The following HS3ST1 variants were observed in gnomAD, a reference collection of about 807,000 sequenced individuals.
HS3ST1 encodes the protein heparan sulfate glucosamine 3-O-sulfotransferase 1.
A neutral mutation model predicts 20.7 loss-of-function variants in HS3ST1; 8 were observed. That is an observed-to-expected ratio of 0.39 (90% CI 0.23 to 0.70). The LOEUF is 0.70. HS3ST1 is among the 30% of genes least tolerant of loss of function. The pLI, the probability that HS3ST1 is intolerant of heterozygous loss-of-function variation, is 0.46. For synonymous variants in HS3ST1, 205 were observed against 190.4 expected, an observed-to-expected ratio of 1.08 and a Z score of -0.63; for missense variants, 436 against 423.4, an observed-to-expected ratio of 1.03 and a Z score of -0.26.
chr4:11,429,949 A>C (rs2108894467), upstream of HS3ST1, among the ~76,000 whole-genome samples: 1 of 152,284 alleles, frequency 6.6e-6, no homozygotes, highest in African/African-American at 2.4e-5. Context: ...AACTTCCTTT[A>C]AATGAGATTA....
Position 11,427,771 on chromosome 4 carries a change from G to C in HS3ST1, c.-109+928C>G, listed in dbSNP as rs575624133. 2.0e-4 allele frequency among the ~76,000 whole-genome samples: 30 copies of C among 152,338 alleles called. 1 individual carries two copies. In the South Asian group the frequency reaches 6.2e-3, roughly 32 times the overall value. ...GCAGAGTTATAGACCTATAACTGCAGAGCCCAGCACACCCCATCCCGCGCC... is the reference window on the plus strand; with the variant it reads ...GCAGAGTTATAGACCTATAACTGCACAGCCCAGCACACCCCATCCCGCGCC... On this transcript the variant is annotated intron_variant, in intron 1 of 1. Transcript: ENST00000002596.
chr4:11,433,962 A>G (rs1405541763), upstream of HS3ST1, among the ~76,000 whole-genome samples: 2 of 152,208 alleles, frequency 1.3e-5, no homozygotes, highest in African/African-American at 2.4e-5. Context: ...TCTCAACTTC[A>G]ATCAGCACAT....
rs376679435 is a variant in HS3ST1 at position 11,394,773 on chromosome 4, A to G, written c.*4309T>C. The G allele has an allele frequency of 3.9e-5, 6 of 152,244 alleles. No individual in the cohort carries two copies. Among genetic ancestry groups the G allele is most frequent in the African/African-American group, 1.4e-4 (6 of 41,466 alleles). 9.4% of individuals were successfully genotyped at this position (152,244 alleles called of 1,614,324 possible). A position where few individuals can be genotyped will look rare whatever the true frequency, so the allele number is the denominator to read the frequency against. Reference sequence around the variant, plus strand: ...TTCATTTGTAAGAAGTAATGGCTCTATCAACATGGGCAAGCCCTTTAATTT... The same window carrying G: ...TTCATTTGTAAGAAGTAATGGCTCTGTCAACATGGGCAAGCCCTTTAATTT... On this transcript the variant is annotated 3_prime_UTR_variant, in exon 2 of 2. Transcript: ENST00000002596.
chr4:11,399,320 T>C lies in HS3ST1; in HGVS notation c.686A>G (p.Gln229Arg), dbSNP rs918368141. 6.2e-7 allele frequency: 1 copy of C among 1,613,974 alleles called. No individual in the cohort carries two copies. Among genetic ancestry groups the C allele is most frequent in the Non-Finnish European group, 8.5e-7 (1 of 1,180,014 alleles). Residue 229 changes from glutamine to arginine, a missense_variant, in exon 2 of 2, where the codon CAA (glutamine) becomes CGA (arginine). Physicochemically the swap from Gln to Arg is conservative, Grantham distance 43. Coordinates refer to ENST00000002596, the MANE Select transcript of HS3ST1 (RefSeq NM_005114.4). The surrounding 1 kb of genome is among the most constrained non-coding windows in gnomAD (Gnocchi z 5.1). ...RLIRDPFPEI[Q>R]KVERFLKLSP... The stretch of plus-strand genomic sequence containing the variant: ...CAGCTTTAGGAACCTCTCGACCTTT[T>C]GGATCTCAGGGAAGGGGTCCCTGAT...
intron 1 of HS3ST1, among the ~76,000 whole-genome samples, chr4:11,420,288 G>T (rs1289739637): frequency 6.6e-6 from 1 of 152,222 alleles, no homozygotes; most frequent in Non-Finnish European, 1.5e-5. Flanking sequence ...CACCTGAAAT[G>T]GAAATGCAAC....
Position 11,398,161 on chromosome 4 carries a change from A to G in HS3ST1, c.*921T>C, listed in dbSNP as rs1258401628. 6.6e-6 allele frequency: 1 copy of G among 152,246 alleles called. No individual in the cohort carries two copies. Among genetic ancestry groups the G allele is most frequent in the African/African-American group, 2.4e-5 (1 of 41,456 alleles). 9.4% of individuals were successfully genotyped at this position (152,246 alleles called of 1,614,324 possible). ...ATTTATGTCTCAGTGCATATGGAAT[A>G]TATGTCTATAATGCCAATGTGTCTT... On this transcript the variant is annotated 3_prime_UTR_variant, in exon 2 of 2. Coordinates refer to ENST00000002596, the MANE Select transcript of HS3ST1 (RefSeq NM_005114.4).
chr4:11,425,377 T>A (rs1033436055), intron 1 of HS3ST1, among the ~76,000 whole-genome samples: 1 of 152,188 alleles, frequency 6.6e-6, no homozygotes, highest in East Asian at 1.9e-4. Context: ...TTTAAAAAAA[T>A]TATTAATTAA....
intron 1 of HS3ST1, among the ~76,000 whole-genome samples, chr4:11,413,764 A>G (rs62295603): frequency 0.27 from 40,354 of 151,088 alleles, 6,773 homozygotes; most frequent in East Asian, 0.49. Context: ...GGAAGAGCAC[A>G]GAGGCTCATC....
At chr4:11,406,303 A>C (rs1332704140) in intron 1 of HS3ST1, among the ~76,000 whole-genome samples, 1 of 152,226 alleles carries the variant, frequency 6.6e-6, no homozygotes, top group Non-Finnish European at 1.5e-5. Flanking sequence ...AATCTTTTGC[A>C]ATCAGGTAAA....
chr4:11,428,093 A>G (rs189509461), intron 1 of HS3ST1, among the ~76,000 whole-genome samples: 26 of 151,864 alleles, frequency 1.7e-4, no homozygotes, highest in Non-Finnish European at 3.1e-4. Flanking sequence ...AGTAAAAAGT[A>G]ACAAGAAAAA....
chr4:11,428,282 C>T (rs956343787), intron 1 of HS3ST1, among the ~76,000 whole-genome samples: 1 of 152,202 alleles, frequency 6.6e-6, no homozygotes, highest in Non-Finnish European at 1.5e-5. Flanking sequence ...TGTGTCCTCG[C>T]CCCAGTTTCT....
chr4:11,415,444 C>T (rs563300192), intron 1 of HS3ST1, among the ~76,000 whole-genome samples: 1 of 152,268 alleles, frequency 6.6e-6, no homozygotes, highest in South Asian at 2.1e-4. Flanking sequence ...TAAATAATTG[C>T]TCAATAGTAT....
intron 1 of HS3ST1, chr4:11,414,016 G>T (rs980188096): frequency 1.3e-5 from 2 of 152,204 alleles, no homozygotes; most frequent in Admixed American, 6.5e-5. Flanking sequence ...GCAGGAGGAT[G>T]CATGAGATAG....
chr4:11,430,720 C>T (rs897333068), upstream of HS3ST1, among the ~76,000 whole-genome samples: 1 of 152,184 alleles, frequency 6.6e-6, no homozygotes, highest in Non-Finnish European at 1.5e-5. Flanking sequence ...ACCACAAGAC[C>T]TTGAAAGAAA....
intron 1 of HS3ST1, among the ~76,000 whole-genome samples, chr4:11,421,084 G>A (rs1354973823): frequency 1.3e-5 from 2 of 151,456 alleles, no homozygotes; most frequent in East Asian, 1.9e-4. Context: ...TAGGTGTTCC[G>A]TATTTGTATT....
At chr4:11,425,299 C>T (rs567817945) in intron 1 of HS3ST1, among the ~76,000 whole-genome samples, 72 of 152,330 alleles carry the variant, frequency 4.7e-4, no homozygotes, top group Non-Finnish European at 7.9e-4. Flanking sequence ...CCCGGGTCAT[C>T]TCGTGACACT....
rs1403765509 is a variant in HS3ST1, at chr4:11,399,376, G to A, written c.630C>T (p.Arg210=). The A allele has an allele frequency of 6.2e-7, 1 of 1,614,064 alleles. No individual in the cohort carries two copies. The highest frequency in any genetic ancestry group is 1.3e-5 in the African/African-American group (1 of 75,034). ...GGTCGCCGTCCACAATGTGGATGTGGCGCAGCGGGAAAAAGCGCAGCCAGT... is the reference window on the plus strand; with the variant it reads ...GGTCGCCGTCCACAATGTGGATGTGACGCAGCGGGAAAAAGCGCAGCCAGT... ...MQNWLRFFPL[R]HIHIVDGDRL... Residue 210 remains arginine (R), a synonymous_variant, in exon 2 of 2, where the codon CGC becomes CGT. Coordinates refer to ENST00000002596, the MANE Select transcript of HS3ST1 (RefSeq NM_005114.4). The surrounding 1 kb of genome is among the most constrained non-coding windows in gnomAD (Gnocchi z 5.1).
At chr4:11,427,995 C>T (rs1719104915) in intron 1 of HS3ST1, among the ~76,000 whole-genome samples, 1 of 152,194 alleles carries the variant, frequency 6.6e-6, no homozygotes, top group Admixed American at 6.5e-5. Context: ...GTTCCAACCG[C>T]GGGTTCGCAC....
upstream of HS3ST1, among the ~76,000 whole-genome samples, chr4:11,431,097 A>G (rs1032458269): frequency 2.6e-5 from 4 of 152,142 alleles, no homozygotes; most frequent in Non-Finnish European, 5.9e-5. Context: ...TGAAACATCT[A>G]TTTAGGGATC....
Sources: gnomAD v4.1 joint callset for allele counts (sites outside exome capture counted in the v4.1 genomes callset) on GRCh38, gnomAD v4.1.1 for gene constraint, Gnocchi (gnomAD v3.1) non-coding constraint, MANE v1.5 for transcripts, NCBI Gene and HGNC (gene_info 2026-07-23, HGNC 2026-07-21) for gene names.